Variants in APOL5 observed in about 807,000 individuals in gnomAD.
APOL5 encodes apolipoprotein L5, also known as apolipoprotein L, 5.
APOL5 carries 29 observed loss-of-function variants against 35.5 expected under a neutral mutation model. The ratio of observed to expected loss-of-function variants is 0.82; its 90% CI spans 0.61 to 1.11. APOL5 has a LOEUF of 1.11. Among genes scored for constraint, APOL5 ranks in the 50% most tolerant of loss-of-function variants. APOL5 has a pLI of 0.00. For synonymous variants in APOL5, 188 were observed against 200.2 expected, an observed-to-expected ratio of 0.94 and a Z score of 0.51; for missense variants, 514 against 530.4, an observed-to-expected ratio of 0.97 and a Z score of 0.30.
rs1224660882 is a variant in APOL5 at position 35,726,353 on chromosome 22, G to A, written c.285G>A (p.Leu95=). 2 of 1,614,168 alleles carry A rather than the reference G, an allele frequency of 1.2e-6. No homozygotes were observed. The highest frequency in any genetic ancestry group is 1.7e-5 in the Admixed American group (1 of 60,022). The change falls in exon 3 of 5, where the codon CTG becomes CTA. Residue 95 remains leucine, a synonymous_variant. Transcript: ENST00000249044. ...AAGATTCCATGCCAGATGGAAATCT[G>A]TCAGAGGAGGAAAAATTGTTTCTCT... ...CDKDSMPDGN[L]SEEEKLFLSY... is the part of the protein sequence containing the mutation.
intron 2 of APOL5, among the ~76,000 whole-genome samples, chr22:35,720,924 T>G (rs1035948562): frequency 5.9e-5 from 9 of 152,104 alleles, no homozygotes; most frequent in African/African-American, 2.2e-4. Flanking sequence ...TTTTATATTT[T>G]TTGTAGAGAT....
chr22:35,717,738 CA>C (rs71322979), upstream of APOL5: 15,778 of 191,056 alleles, frequency 0.083, no homozygotes, highest in Non-Finnish European at 0.088. Context: ...AGCTCCATCG[CA>C]AAAAAAAAAA....
rs1927270806 is a variant in APOL5, at chr22:35,728,855, CA to C, written c.1260del (p.Ala421GlnfsTer23). On this transcript the variant is annotated frameshift_variant, in exon 4 of 5. Coordinates refer to ENST00000249044, the MANE Select transcript of APOL5 (RefSeq NM_030642.1). LOFTEE classifies it low-confidence loss of function (END_TRUNC). Reference sequence around the variant, plus strand: ...GGCCACCAGCCAGCCCCACCAGCACCAGCAAGAAAGGGGAGACAGGCCCCGG... The same window carrying C: ...GGCCACCAGCCAGCCCCACCAGCACCGCAAGAAAGGGGAGACAGGCCCCGG... ...MLGHQPAPPA[P>X]ARKGRQAPGR... 2.5e-6 allele frequency: 4 copies of C among 1,610,882 alleles called. No homozygotes were observed. The highest frequency in any genetic ancestry group is 3.4e-6 in the Non-Finnish European group (4 of 1,178,610).
chr22:35,726,283 G>T lies in APOL5; in HGVS notation c.215G>T (p.Gly72Val), dbSNP rs148423435. 219 of 1,614,188 alleles carry T rather than the reference G, an allele frequency of 1.4e-4. No homozygotes were observed. Among genetic ancestry groups the T allele is most frequent in the Non-Finnish European group, 1.8e-4 (211 of 1,180,028 alleles). Residue 72 changes from glycine to valine, a missense_variant, in exon 3 of 5, where the codon GGT (glycine) becomes GTT (valine). This residue lies in a region of APOL5 where 254 missense variants were observed against 254.7 expected (regional missense o/e 1.00). Coordinates refer to ENST00000249044, the MANE Select transcript of APOL5 (RefSeq NM_030642.1). ...LMSTVHSDEAGMLSYFLFEEL... is the reference protein window; with the variant it reads ...LMSTVHSDEAVMLSYFLFEEL... ...TCAACTGTCCACAGTGATGAGGCTG[G>T]TATGCTGTCCTACTTTCTGTTTGAA...
upstream of APOL5, among the ~76,000 whole-genome samples, chr22:35,716,025 T>G (rs1489287892): frequency 6.6e-6 from 1 of 152,126 alleles, no homozygotes. Context: ...TCTGAGTAAT[T>G]TTCTACATCC....
rs1569153786 is a variant in APOL5 at position 35,727,152 on chromosome 22, C to A, written c.1084C>A (p.Arg362=). 2 of 1,606,932 alleles carry A rather than the reference C, an allele frequency of 1.2e-6. No individual in the cohort carries two copies. Among genetic ancestry groups the A allele is most frequent in the Admixed American group, 1.7e-5 (1 of 60,012 alleles). ...QKASQTCSSS[R]GRAVRGSRVV... is the part of the protein sequence containing the mutation. ...GGCGAGCCAGACCTGTTCCAGCTCC[C>A]GGGGCAGGGCTGTTCGAGGATCCCG... Residue 362 remains arginine (R), a synonymous_variant, in exon 3 of 5, where the codon CGG becomes AGG. Coordinates refer to ENST00000249044, the MANE Select transcript of APOL5 (RefSeq NM_030642.1).
At chr22:35,725,369 G>A (rs747261508) in intron 2 of APOL5, among the ~76,000 whole-genome samples, 15 of 152,026 alleles carry the variant, frequency 9.9e-5, no homozygotes, top group Non-Finnish European at 1.9e-4. Context: ...TGGTTCAAGC[G>A]ACTCTCCTGC....
At chr22:35,711,318 C>G in the APOL5 span, among the ~76,000 whole-genome samples, 151 of 152,310 alleles carry the variant, frequency 9.9e-4, 2 homozygotes, top group Admixed American at 8.7e-3. Flanking sequence ...CACATTTTGG[C>G]TATTGTGAGT....
At chr22:35,713,512 G>T (rs138569571), upstream of APOL5, among the ~76,000 whole-genome samples, 23 of 152,152 alleles carry the variant, frequency 1.5e-4, no homozygotes, top group East Asian at 4.4e-3. Context: ...TCCATCCTCC[G>T]TGGATTTTAT....
In APOL5 at chr22:35,726,514, G is replaced by T; in HGVS notation, c.446G>T (p.Gly149Val). The stretch of plus-strand genomic sequence containing the variant: ...GCCAGCTCTTCCGGGGCTGTTTCTG[G>T]GGTCATGAACATCCTGGGTTTGGCC... ...LVASSSGAVSGVMNILGLALA... is the reference protein window; with the variant it reads ...LVASSSGAVSVVMNILGLALA... The change falls in exon 3 of 5, where the codon GGG (glycine) becomes GTG (valine). Residue 149 changes from glycine (G) to valine (V), a missense_variant. By Grantham distance (109) the Gly-to-Val change is moderately radical (BLOSUM62 -3). Coordinates refer to ENST00000249044, the MANE Select transcript of APOL5 (RefSeq NM_030642.1). 1 of 1,614,154 alleles carries T rather than the reference G, an allele frequency of 6.2e-7. No homozygotes were observed. The highest frequency in any genetic ancestry group is 2.2e-5 in the East Asian group (1 of 44,880).
chr22:35,710,909 G>A, the APOL5 span, among the ~76,000 whole-genome samples: 2 of 152,230 alleles, frequency 1.3e-5, no homozygotes, highest in Non-Finnish European at 1.5e-5. Context: ...GCTCACGCCT[G>A]TAATCCCAAC....
chr22:35,710,371 G>A, the APOL5 span, among the ~76,000 whole-genome samples: 1 of 150,272 alleles, frequency 6.7e-6, no homozygotes, highest in East Asian at 1.9e-4. Context: ...TGAACTTCTG[G>A]GCTCAAGTGA....
At chr22:35,715,960 A>G (rs1481456943), upstream of APOL5, among the ~76,000 whole-genome samples, 1 of 152,220 alleles carries the variant, frequency 6.6e-6, no homozygotes, top group Non-Finnish European at 1.5e-5. Context: ...ACAAAAAATA[A>G]TTAATATGAA....
At chr22:35,722,493 G>A (rs1489920757) in intron 2 of APOL5, among the ~76,000 whole-genome samples, 2 of 152,138 alleles carry the variant, frequency 1.3e-5, no homozygotes, top group Non-Finnish European at 2.9e-5. Flanking sequence ...AGTAGACAGG[G>A]TTTCACCACG....
chr22:35,728,946 G>C, intron 4 of APOL5, 42 bp downstream of exon 4: 1 of 1,531,434 alleles, frequency 6.5e-7, no homozygotes. Flanking sequence ...GGGAACCCCT[G>C]ACAGTGAAGT....
upstream of APOL5, among the ~76,000 whole-genome samples, chr22:35,715,369 C>T (rs746316471): frequency 2.0e-5 from 3 of 152,134 alleles, no homozygotes; most frequent in South Asian, 2.1e-4. Context: ...GTCAGCTGGG[C>T]GTAGTGGCTC....
intron 1 of APOL5, among the ~76,000 whole-genome samples, chr22:35,718,952 G>T (rs1032079341): frequency 2.0e-5 from 3 of 151,892 alleles, no homozygotes; most frequent in East Asian, 3.9e-4. Context: ...GCAACAACTC[G>T]GGAGGCTGAG....
At chr22:35,722,182 T>C (rs1001596096) in intron 2 of APOL5, among the ~76,000 whole-genome samples, 1 of 152,228 alleles carries the variant, frequency 6.6e-6, no homozygotes, top group Non-Finnish European at 1.5e-5. Flanking sequence ...CAATGCATGC[T>C]GCATGGACTG....
chr22:35,725,706 A>G (rs1281387649), intron 2 of APOL5, among the ~76,000 whole-genome samples: 4 of 152,014 alleles, frequency 2.6e-5, no homozygotes, highest in South Asian at 4.2e-4. Flanking sequence ...AGACCAGATG[A>G]GCCAGTTAAT....
Sources: gnomAD v4.1 joint callset for allele counts (sites outside exome capture counted in the v4.1 genomes callset) on GRCh38, gnomAD v4.1.1 for gene constraint, gnomAD v4.1.1 regional missense constraint, MANE v1.5 for transcripts, NCBI Gene and HGNC (gene_info 2026-07-23, HGNC 2026-07-21) for gene names.